The following TMEM135 variants were observed in gnomAD, a reference collection of about 807,000 sequenced individuals.
TMEM135 encodes transmembrane protein 135.
A neutral mutation model predicts 60.3 loss-of-function variants in TMEM135; 30 were observed. The observed-to-expected ratio is 0.50, with a 90% CI of 0.37 to 0.68. The LOEUF is 0.68. TMEM135 is among the 30% of genes least tolerant of loss of function. TMEM135 has a pLI of 0.00. For missense variants in TMEM135, 468 were observed against 548.8 expected (o/e 0.85, Z 1.47); for synonymous variants, 190 against 186.7 (o/e 1.02, Z -0.14).
chr11:87,124,122 G>A (rs1937653691), intron 4 of TMEM135, among the ~76,000 whole-genome samples: 1 of 152,086 alleles, frequency 6.6e-6, no homozygotes, highest in Non-Finnish European at 1.5e-5. Context: ...TTTCACATGA[G>A]CAATGTTTCA....
chr11:87,250,242 T>C (rs1182991795), intron 6 of TMEM135, among the ~76,000 whole-genome samples: 1 of 152,120 alleles, frequency 6.6e-6, no homozygotes, highest in African/African-American at 2.4e-5. Context: ...ATTTATCTTT[T>C]CAAAAAACCA....
chr11:87,178,111 A>G (rs193179479), intron 5 of TMEM135, among the ~76,000 whole-genome samples: 4 of 152,166 alleles, frequency 2.6e-5, no homozygotes, highest in African/African-American at 9.6e-5. Context: ...ATTATTGGCC[A>G]TGTGATTGAA....
At chr11:87,076,796 C>G (rs766824956) in intron 3 of TMEM135, among the ~76,000 whole-genome samples, 8 of 152,144 alleles carry the variant, frequency 5.3e-5, no homozygotes, top group Non-Finnish European at 1.0e-4. Context: ...AGCAGGTTCC[C>G]TTTTGGCCCA....
intron 5 of TMEM135, among the ~76,000 whole-genome samples, chr11:87,176,763 A>T (rs1340546822): frequency 6.6e-6 from 1 of 152,156 alleles, no homozygotes; most frequent in African/African-American, 2.4e-5. Context: ...AAGTCAGGTT[A>T]TAGTGGGTTA....
intron 1 of TMEM135, among the ~76,000 whole-genome samples, chr11:87,046,191 A>G (rs1169687584): frequency 6.6e-6 from 1 of 152,142 alleles, no homozygotes; most frequent in African/African-American, 2.4e-5. Flanking sequence ...GGATCACTTG[A>G]GGTCAGGAGT....
intron 6 of TMEM135, among the ~76,000 whole-genome samples, chr11:87,247,238 C>T (rs561350745): frequency 1.2e-4 from 18 of 152,198 alleles, no homozygotes; most frequent in Non-Finnish European, 2.2e-4. Context: ...AGTACCTGGC[C>T]GTGTGAGGTG....
intron 9 of TMEM135, among the ~76,000 whole-genome samples, chr11:87,308,972 C>T (rs1942596731): frequency 6.6e-6 from 1 of 152,116 alleles, no homozygotes; most frequent in Non-Finnish European, 1.5e-5. Flanking sequence ...TAATTCTGCA[C>T]CCCCTGCCCC....
chr11:87,194,771 A>T (rs978922244), intron 5 of TMEM135, among the ~76,000 whole-genome samples: 4 of 152,172 alleles, frequency 2.6e-5, no homozygotes, highest in Non-Finnish European at 4.4e-5. Flanking sequence ...GGGAAAACCT[A>T]ACTAAATCCA....
chr11:87,091,268 A>T, intron 3 of TMEM135, 94 bp from the exon 4 acceptor site: 1 of 1,146,858 alleles, frequency 8.7e-7, no homozygotes, highest in Non-Finnish European at 1.3e-6. Context: ...TCAATTTCTG[A>T]GAATATAATT....
At chr11:87,194,577 T>C (rs1318069071) in intron 5 of TMEM135, among the ~76,000 whole-genome samples, 7 of 152,142 alleles carry the variant, frequency 4.6e-5, no homozygotes, top group Non-Finnish European at 1.0e-4. Context: ...GTATATACAG[T>C]GGAAAACTTG....
At chr11:87,156,965 A>G (rs1386781413) in intron 4 of TMEM135, among the ~76,000 whole-genome samples, 2 of 152,078 alleles carry the variant, frequency 1.3e-5, no homozygotes, top group Non-Finnish European at 2.9e-5. Context: ...CTCTTAAAAG[A>G]TTGTGATTAT....
chr11:87,224,992 A>G (rs1396018289), intron 5 of TMEM135, among the ~76,000 whole-genome samples: 1 of 152,118 alleles, frequency 6.6e-6, no homozygotes, highest in Non-Finnish European at 1.5e-5. Context: ...TCTTCACTAG[A>G]ATAAATAAGG....
At chr11:87,319,509 G>A (rs1212149699) in intron 14 of TMEM135, 132 bp downstream of exon 14, 3 of 684,206 alleles carry the variant, frequency 4.4e-6, no homozygotes, top group South Asian at 1.8e-5. Context: ...ATAACATGGG[G>A]CGTTTTTTGA....
intron 12 of TMEM135, among the ~76,000 whole-genome samples, chr11:87,315,777 C>A (rs1590867320): frequency 6.6e-6 from 1 of 151,936 alleles, no homozygotes; most frequent in Non-Finnish European, 1.5e-5. Flanking sequence ...AGTACCTTAG[C>A]ATCCTGCAAA....
intron 5 of TMEM135, among the ~76,000 whole-genome samples, chr11:87,171,796 G>A (rs1591075850): frequency 6.6e-6 from 1 of 152,154 alleles, no homozygotes; most frequent in East Asian, 1.9e-4. Flanking sequence ...GGGGGGCTTG[G>A]TTTTGGGATG....
chr11:87,328,456 C>T lies in TMEM135; in HGVS notation c.*7123C>T, dbSNP rs1942946322. 2.2e-6 allele frequency: 1 copy of T among 454,060 alleles called. No individual in the cohort carries two copies. The highest frequency in any genetic ancestry group is 4.4e-6 in the Non-Finnish European group (1 of 226,788). The allele number at this position is 454,060 out of a possible 1,614,324, so 28.1% of individuals were successfully genotyped here. On this transcript the variant is annotated 3_prime_UTR_variant, in exon 15 of 15. Coordinates refer to ENST00000305494, the MANE Select transcript of TMEM135 (RefSeq NM_022918.4). The stretch of plus-strand genomic sequence containing the variant: ...AAGTCTGAAATTTTAGTGCACCTGT[C>T]ACCAGAATAGTGTGCATTGTACCCA...
Position 87,309,615 on chromosome 11 carries a change from C to T in TMEM135, c.879C>T (p.Tyr293=). Residue 293 remains tyrosine, a synonymous_variant, in exon 10 of 15, where the codon TAC becomes TAT. Transcript: ENST00000305494. ...TQPSRLLSLF[Y]NKENFQLGAF... ...CATCTCGGCTACTTTCTCTCTTCTA[C>T]AATAAAGAAAACTTCCAGCTTGGAG... 7 of 1,613,806 alleles carry T rather than the reference C, an allele frequency of 4.3e-6. No homozygotes were observed. Among genetic ancestry groups the T allele is most frequent in the Non-Finnish European group, 5.9e-6 (7 of 1,179,792 alleles).
At chr11:87,203,383 T>C (rs1250156987) in intron 5 of TMEM135, among the ~76,000 whole-genome samples, 1 of 152,162 alleles carries the variant, frequency 6.6e-6, no homozygotes, top group East Asian at 1.9e-4. Flanking sequence ...CCTGAAACCC[T>C]TGACAATCAG....
intron 8 of TMEM135, among the ~76,000 whole-genome samples, chr11:87,304,139 G>A (rs1353939417): frequency 2.6e-5 from 4 of 152,168 alleles, no homozygotes; most frequent in Non-Finnish European, 4.4e-5. Context: ...GGGAGACTGA[G>A]GTAGGAGAAT....
Sources: allele counts gnomAD v4.1 joint callset (sites outside exome capture counted in the v4.1 genomes callset), GRCh38; gene constraint gnomAD v4.1.1; transcripts MANE v1.5; gene names NCBI Gene and HGNC (gene_info 2026-07-23, HGNC 2026-07-21).